The following MDFIC2 variants were observed in gnomAD, a reference collection of about 807,000 sequenced individuals.
MDFIC2 encodes MyoD family inhibitor domain containing 2.
At position 70,312,335 on chromosome 3, in the gene MDFIC2, A is replaced by C. The variant is rs1575623193; in HGVS notation, c.-1+216T>G. Among the ~76,000 whole-genome samples the C allele has an allele frequency of 2.6e-5, 4 of 152,338 alleles. No homozygotes were observed. The South Asian group carries it at 8.3e-4, about 32-fold the overall frequency. ...TATAGCCTATAGAAAAGCATGCTGC[A>C]AAGTGGTATGCAAAGAGACAAATAA... is the stretch of plus-strand genomic sequence containing the variant. On this transcript the variant is annotated intron_variant, in intron 1 of 3. Transcript: ENST00000567252.
chr3:70,245,832 A>G (rs919124071), intron 2 of MDFIC2, among the ~76,000 whole-genome samples: 7 of 150,592 alleles, frequency 4.6e-5, no homozygotes, highest in Non-Finnish European at 7.4e-5. Context: ...ATTTTTTTGA[A>G]TGTCTACTGA....
In MDFIC2 at chr3:70,196,359, T is replaced by G. The variant is rs1183454587; in HGVS notation, c.*567A>C. Among the ~76,000 whole-genome samples the G allele has an allele frequency of 2.0e-5, 3 of 152,090 alleles. No individual in the cohort carries two copies. The highest frequency in any genetic ancestry group is 4.4e-5 in the Non-Finnish European group (3 of 68,028). On this transcript the variant is annotated 3_prime_UTR_variant, in exon 4 of 4. Coordinates refer to ENST00000567252, the MANE Select transcript of MDFIC2 (RefSeq NM_001364677.1). ...ATCTGTTGTAATTACAGGAACATGG[T>G]TTCTAATTCATTTAATTCCCTTTCC...
intron 2 of MDFIC2, among the ~76,000 whole-genome samples, chr3:70,299,407 A>G (rs1702324151): frequency 6.6e-6 from 1 of 152,056 alleles, no homozygotes; most frequent in South Asian, 2.1e-4. Flanking sequence ...ATTTTTTTCC[A>G]TTTTCATATT....
chr3:70,232,543 G>T (rs1047470845), intron 2 of MDFIC2, among the ~76,000 whole-genome samples: 7 of 152,026 alleles, frequency 4.6e-5, no homozygotes, highest in Admixed American at 3.3e-4. Flanking sequence ...GGGATTACAG[G>T]TGCCCGCCAC....
intron 2 of MDFIC2, among the ~76,000 whole-genome samples, chr3:70,217,229 C>A (rs1559537428): frequency 6.6e-6 from 1 of 152,072 alleles, no homozygotes; most frequent in Non-Finnish European, 1.5e-5. Flanking sequence ...CTTAGCATTT[C>A]TTACATGGTG....
chr3:70,250,151 C>T (rs949743089), intron 2 of MDFIC2, among the ~76,000 whole-genome samples: 3 of 152,258 alleles, frequency 2.0e-5, no homozygotes, highest in South Asian at 4.1e-4. Context: ...TTATTCTTCT[C>T]TGTTCAATAA....
chr3:70,219,907 G>A (rs149709842), intron 2 of MDFIC2, among the ~76,000 whole-genome samples: 6 of 152,214 alleles, frequency 3.9e-5, no homozygotes, highest in Admixed American at 2.0e-4. Context: ...AAGCATAAGC[G>A]TTGTTCAAAG....
chr3:70,226,329 C>T (rs770568891), intron 2 of MDFIC2, among the ~76,000 whole-genome samples: 2 of 152,234 alleles, frequency 1.3e-5, no homozygotes, highest in Admixed American at 6.5e-5. Flanking sequence ...TGTGATGAGA[C>T]GTATAACAGA....
intron 2 of MDFIC2, among the ~76,000 whole-genome samples, chr3:70,286,887 T>A (rs144113115): frequency 6.6e-6 from 1 of 151,944 alleles, no homozygotes; most frequent in African/African-American, 2.4e-5. Context: ...AGAATGCTTG[T>A]GATTTTTGTA....
At chr3:70,293,801 A>T (rs1702264509) in intron 2 of MDFIC2, among the ~76,000 whole-genome samples, 1 of 152,134 alleles carries the variant, frequency 6.6e-6, no homozygotes, top group Admixed American at 6.6e-5. Context: ...AAGGAAAGAA[A>T]AAAGACCTTA....
At chr3:70,285,385 A>G (rs1702149860) in intron 2 of MDFIC2, among the ~76,000 whole-genome samples, 1 of 151,810 alleles carries the variant, frequency 6.6e-6, no homozygotes, top group South Asian at 2.1e-4. Flanking sequence ...AAGGACATGA[A>G]CTCATCAGTT....
At chr3:70,231,851 A>G (rs893318936) in intron 2 of MDFIC2, among the ~76,000 whole-genome samples, 13 of 152,134 alleles carry the variant, frequency 8.5e-5, no homozygotes, top group African/African-American at 2.2e-4. Flanking sequence ...GGAAGCTACT[A>G]AACAGGCCTG....
At position 70,194,804 on chromosome 3, in the gene MDFIC2, C is replaced by T. The variant is rs544867638; in HGVS notation, c.*2122G>A. On this transcript the variant is annotated 3_prime_UTR_variant, in exon 4 of 4. Coordinates refer to ENST00000567252, the MANE Select transcript of MDFIC2 (RefSeq NM_001364677.1). ...TTAACACCAATATGGCATGGCCTCA[C>T]CAATGATACCAGGTACCATATTATA... 1.3e-5 allele frequency among the ~76,000 whole-genome samples: 2 copies of T among 152,248 alleles called. No homozygotes were observed. Among genetic ancestry groups the T allele is most frequent in the South Asian group, 4.1e-4 (2 of 4,822 alleles).
At chr3:70,197,617 T>A (rs1701195122) in intron 3 of MDFIC2, among the ~76,000 whole-genome samples, 1 of 152,210 alleles carries the variant, frequency 6.6e-6, no homozygotes, top group Non-Finnish European at 1.5e-5. Context: ...CCCTGTTTCT[T>A]GTCACTAGGC....
intron 2 of MDFIC2, among the ~76,000 whole-genome samples, chr3:70,235,398 C>T (rs1701597771): frequency 6.6e-6 from 1 of 152,236 alleles, no homozygotes; most frequent in Admixed American, 6.5e-5. Flanking sequence ...TAATCCCTCA[C>T]AATTGGCTTC....
At chr3:70,203,742 C>T (rs1403068) in intron 3 of MDFIC2, among the ~76,000 whole-genome samples, 19,760 of 151,992 alleles carry the variant, frequency 0.13, 2,657 homozygotes, top group African/African-American at 0.35. Context: ...TTTCCTCTTC[C>T]ACCTGGATGA....
chr3:70,197,980 G>A (rs187482946), intron 3 of MDFIC2, among the ~76,000 whole-genome samples: 1 of 152,230 alleles, frequency 6.6e-6, no homozygotes, highest in East Asian at 1.9e-4. Context: ...GCTGTGATGG[G>A]TTATAGATTA....
chr3:70,284,673 C>G (rs1382508588), intron 2 of MDFIC2, among the ~76,000 whole-genome samples: 1 of 152,160 alleles, frequency 6.6e-6, no homozygotes, highest in Non-Finnish European at 1.5e-5. Flanking sequence ...CATGTTCTCA[C>G]TTATAAGTGG....
intron 2 of MDFIC2, among the ~76,000 whole-genome samples, chr3:70,302,966 G>T (rs181579078): frequency 1.7e-4 from 26 of 152,238 alleles, no homozygotes; most frequent in African/African-American, 5.5e-4. Flanking sequence ...TGGCCTATGA[G>T]AACACAGAAG....
Sources: gnomAD v4.1 joint callset for allele counts (sites outside exome capture counted in the v4.1 genomes callset) on GRCh38, gnomAD v4.1.1 for gene constraint, MANE v1.5 for transcripts, NCBI Gene and HGNC (gene_info 2026-07-23, HGNC 2026-07-21) for gene names.